PACRG: variants seen among roughly 807,000 people sequenced by gnomAD.
PACRG encodes parkin coregulated gene protein.
In PACRG, 29 loss-of-function variants were observed where a neutral mutation model predicts 29.7. The observed-to-expected ratio is 0.98, with a 90% CI of 0.73 to 1.33. The LOEUF (loss-of-function observed/expected upper bound fraction) is 1.33. Ranked by LOEUF, PACRG falls within the 40% of genes most tolerant of loss-of-function variation. The pLI, the probability that PACRG is intolerant of heterozygous loss-of-function variation, is 0.00. For synonymous variants in PACRG, 116 were observed against 118.7 expected (o/e 0.98, Z 0.15); for missense variants, 279 against 316.2 (o/e 0.88, Z 0.89).
chr6:163,103,782 A>C (rs1351893075), intron 4 of PACRG, among the ~76,000 whole-genome samples: 2 of 152,218 alleles, frequency 1.3e-5, no homozygotes, highest in Non-Finnish European at 2.9e-5. Flanking sequence ...TTAACTGCCA[A>C]CATTTAGTGA....
At chr6:162,908,212 C>T (rs1796066691) in intron 2 of PACRG, among the ~76,000 whole-genome samples, 2 of 152,204 alleles carry the variant, frequency 1.3e-5, no homozygotes, top group Non-Finnish European at 2.9e-5. Flanking sequence ...AAAAAGACTA[C>T]ATTAATGTTT....
In PACRG at chr6:162,800,506, T is replaced by A. The variant is rs183584315; in HGVS notation, c.157-13641T>A. Among the ~76,000 whole-genome samples the A allele has an allele frequency of 6.6e-5, 10 of 152,310 alleles. No individual in the cohort carries two copies. In the East Asian group the frequency reaches 1.7e-3, roughly 26 times the overall value. On this transcript the variant is annotated intron_variant, in intron 1 of 4. Transcript: ENST00000366888. ...GACATACTCACAATTTACTTAGCAA[T>A]CTTTGGGACCTCCTTATGTCATACA...
At chr6:162,858,064 T>C (rs893684357) in intron 2 of PACRG, among the ~76,000 whole-genome samples, 23 of 152,262 alleles carry the variant, frequency 1.5e-4, no homozygotes, top group African/African-American at 4.8e-4. Context: ...ATATTAACTC[T>C]TGAATATTCG....
chr6:163,227,768 C>T (rs1358915525), intron 4 of PACRG, among the ~76,000 whole-genome samples: 5 of 152,168 alleles, frequency 3.3e-5, no homozygotes, highest in African/African-American at 7.2e-5. Flanking sequence ...TCCATTGAGA[C>T]GAACTGCCCT....
chr6:162,893,092 G>A (rs1013648645), intron 2 of PACRG, among the ~76,000 whole-genome samples: 9 of 152,152 alleles, frequency 5.9e-5, no homozygotes, highest in Non-Finnish European at 1.2e-4. Context: ...AGAGGTAAGC[G>A]GGGTGAGGGC....
intron 4 of PACRG, among the ~76,000 whole-genome samples, chr6:163,308,901 A>C (rs1185769178): frequency 2.0e-5 from 3 of 152,192 alleles, no homozygotes; most frequent in Non-Finnish European, 4.4e-5. Flanking sequence ...CAAAGGTTAC[A>C]GGTCTTAATA....
At chr6:162,795,489 A>T (rs1267220659) in intron 1 of PACRG, among the ~76,000 whole-genome samples, 1 of 152,108 alleles carries the variant, frequency 6.6e-6, no homozygotes, top group Non-Finnish European at 1.5e-5. Context: ...AAATTATTTG[A>T]ACTATAACTA....
chr6:162,981,400 A>G (rs554090272), intron 2 of PACRG, among the ~76,000 whole-genome samples: 1 of 151,808 alleles, frequency 6.6e-6, no homozygotes, highest in Admixed American at 6.6e-5. Context: ...ATACACACAC[A>G]CGCACACACA....
intron 1 of PACRG, among the ~76,000 whole-genome samples, chr6:162,806,481 A>G (rs557708651): frequency 1.1e-4 from 17 of 152,212 alleles, no homozygotes; most frequent in African/African-American, 4.1e-4. Context: ...CATGGGCTGC[A>G]GAATGGGTGT....
intron 4 of PACRG, among the ~76,000 whole-genome samples, chr6:163,224,889 TA>T (rs1781727860): frequency 6.6e-6 from 1 of 151,894 alleles, no homozygotes. Flanking sequence ...GCAAAGGAAA[TA>T]ATCAATAGAG....
intron 1 of PACRG, among the ~76,000 whole-genome samples, chr6:162,762,226 G>A (rs1053054131): frequency 1.1e-4 from 17 of 152,186 alleles, no homozygotes; most frequent in African/African-American, 3.4e-4. Context: ...TTTGGTAGAT[G>A]TGGTATTTCA....
At chr6:163,249,318 A>G (rs1489529389) in intron 4 of PACRG, among the ~76,000 whole-genome samples, 1 of 152,150 alleles carries the variant, frequency 6.6e-6, no homozygotes, top group Non-Finnish European at 1.5e-5. Flanking sequence ...AAATACTAAT[A>G]CATTTTCAAA....
chr6:162,947,607 TA>T (rs1344538223), intron 2 of PACRG, among the ~76,000 whole-genome samples: 2,117 of 58,270 alleles, frequency 0.036, 153 homozygotes, highest in Non-Finnish European at 0.042. Flanking sequence ...TATATATATA[TA>T]ATCATATATA....
At chr6:162,984,371 T>G (rs750804857) in intron 2 of PACRG, among the ~76,000 whole-genome samples, 9 of 152,076 alleles carry the variant, frequency 5.9e-5, no homozygotes, top group African/African-American at 2.2e-4. Context: ...TATGGCCAAG[T>G]AGTATTTCAT....
chr6:163,050,896 T>C (rs1306479802), intron 2 of PACRG, among the ~76,000 whole-genome samples: 14 of 152,216 alleles, frequency 9.2e-5, no homozygotes, highest in Admixed American at 7.2e-4. Context: ...ACATCTTTCT[T>C]AATTATGAAA....
At chr6:163,198,450 G>A (rs1189728283) in intron 4 of PACRG, among the ~76,000 whole-genome samples, 9 of 152,344 alleles carry the variant, frequency 5.9e-5, no homozygotes, top group Admixed American at 5.2e-4. Flanking sequence ...ATGTGTGTGT[G>A]TGATTTACAG....
At chr6:162,822,106 T>C (rs747529009) in intron 2 of PACRG, among the ~76,000 whole-genome samples, 1 of 152,196 alleles carries the variant, frequency 6.6e-6, no homozygotes, top group Non-Finnish European at 1.5e-5. Context: ...ATGGTCCTAA[T>C]TAAGACAGGA....
chr6:163,141,283 C>G (rs1288897870), intron 4 of PACRG, among the ~76,000 whole-genome samples: 1 of 152,058 alleles, frequency 6.6e-6, no homozygotes, highest in Non-Finnish European at 1.5e-5. Context: ...AAAGAGTTCG[C>G]CAACTCTACT....
intron 2 of PACRG, chr6:163,046,589 A>G (rs1279665835): frequency 6.6e-6 from 1 of 152,082 alleles, no homozygotes; most frequent in Non-Finnish European, 1.5e-5. Context: ...CATACCAGTG[A>G]TGGCTTTGAA....
Sources: gnomAD v4.1 joint callset for allele counts (sites outside exome capture counted in the v4.1 genomes callset) on GRCh38, gnomAD v4.1.1 for gene constraint, MANE v1.5 for transcripts, NCBI Gene and HGNC (gene_info 2026-07-23, HGNC 2026-07-21) for gene names.